The following TRPC5 variants were observed in gnomAD, a reference collection of about 807,000 sequenced individuals.
The protein encoded by TRPC5 is transient receptor potential cation channel subfamily C member 5.
In TRPC5, 9 loss-of-function variants were observed where a neutral mutation model predicts 56.5. The observed-to-expected ratio is 0.16, with a 90% CI of 0.10 to 0.28. The LOEUF (loss-of-function observed/expected upper bound fraction) is 0.28, where lower values mean the gene tolerates loss of function less well. TRPC5 is among the 10% of genes least tolerant of loss of function. The pLI is 1.00. For missense variants in TRPC5, 469 were observed against 748.9 expected (o/e 0.63, Z 4.36); for synonymous variants, 282 against 278.5 (o/e 1.01, Z -0.13).
chrX:111,997,851 A>AAGGTCT (rs753212675), intron 1 of TRPC5, among the ~76,000 whole-genome samples: 67 of 110,651 alleles, frequency 6.1e-4, no homozygotes, highest in African/African-American at 2.1e-3. Flanking sequence ...CAGGTCATTT[A>AAGGTCT]AGGTCTTCTC....
intron 1 of TRPC5, among the ~76,000 whole-genome samples, chrX:111,991,452 C>T (rs981208525): frequency 3.6e-5 from 4 of 112,048 alleles, no homozygotes; most frequent in African/African-American, 1.3e-4. Context: ...GAGATTTAGA[C>T]GAATGGGGGA....
intron 1 of TRPC5, among the ~76,000 whole-genome samples, chrX:111,981,591 C>A (rs1232726441): frequency 2.7e-5 from 3 of 111,549 alleles, no homozygotes; most frequent in Admixed American, 1.9e-4. Flanking sequence ...TTAAACCACA[C>A]TTCATCCCCA....
chrX:112,063,529 A>G (rs1369970343), intron 1 of TRPC5, among the ~76,000 whole-genome samples: 1 of 111,889 alleles, frequency 8.9e-6, no homozygotes, highest in Non-Finnish European at 1.9e-5. Flanking sequence ...TTATACAACC[A>G]TAGACAACTA....
At chrX:112,040,123 C>A (rs1275517868) in intron 1 of TRPC5, among the ~76,000 whole-genome samples, 1 of 111,882 alleles carries the variant, frequency 8.9e-6, no homozygotes, top group Non-Finnish European at 1.9e-5. Context: ...ATTTAAGTAG[C>A]CTTTCAGTTA....
intron 1 of TRPC5, among the ~76,000 whole-genome samples, chrX:112,018,496 A>T (rs1458381512): frequency 8.9e-6 from 1 of 112,245 alleles, no homozygotes; most frequent in Non-Finnish European, 1.9e-5. Context: ...ATTTACAAAT[A>T]TATTATCTGT....
intron 1 of TRPC5, among the ~76,000 whole-genome samples, chrX:112,016,399 G>C (rs1929125934): frequency 9.1e-6 from 1 of 110,063 alleles, no homozygotes. Flanking sequence ...ATCTCAAGGA[G>C]AGACTGGCCC....
At chrX:111,860,616 A>G (rs777353919) in intron 3 of TRPC5, among the ~76,000 whole-genome samples, 6 of 112,372 alleles carry the variant, frequency 5.3e-5, no homozygotes, top group Admixed American at 1.9e-4. Context: ...GGATACAGTT[A>G]GAAACACAAT....
At chrX:111,904,001 T>C (rs770956160) in intron 3 of TRPC5, 2 of 112,296 alleles carry the variant, frequency 1.8e-5, no homozygotes, top group Non-Finnish European at 3.8e-5. Context: ...CGTGTGGTCA[T>C]CTTAAATTAC....
At chrX:111,846,484 T>C (rs1407970977) in intron 6 of TRPC5, among the ~76,000 whole-genome samples, 1 of 112,214 alleles carries the variant, frequency 8.9e-6, no homozygotes, top group African/African-American at 3.2e-5. Flanking sequence ...GAGTTCCATG[T>C]GTTCAGAGGC....
chrX:111,996,870 C>T (rs182517760), intron 1 of TRPC5, among the ~76,000 whole-genome samples: 215 of 111,175 alleles, frequency 1.9e-3, no homozygotes, highest in Non-Finnish European at 3.2e-3. Context: ...CTTCCTCCAT[C>T]CCTTTATTTT....
At chrX:111,830,320 C>T (rs766214040) in intron 7 of TRPC5, among the ~76,000 whole-genome samples, 11 of 111,907 alleles carry the variant, frequency 9.8e-5, no homozygotes, top group Non-Finnish European at 1.7e-4. Context: ...AAGGGACTTG[C>T]CTTGTCTCAG....
At chrX:112,064,286 T>C (rs145813828) in intron 1 of TRPC5, among the ~76,000 whole-genome samples, 3,975 of 111,808 alleles carry the variant, frequency 0.036, 165 homozygotes, top group African/African-American at 0.12. Context: ...TCTCAAGCCA[T>C]GGAGAGGATA....
intron 3 of TRPC5, among the ~76,000 whole-genome samples, chrX:111,895,114 G>T (rs780164095): frequency 4.5e-5 from 5 of 112,064 alleles, no homozygotes; most frequent in African/African-American, 1.6e-4. Flanking sequence ...CTGCCAAATA[G>T]TTTTCCAAGG....
intron 7 of TRPC5, among the ~76,000 whole-genome samples, chrX:111,791,231 G>A (rs1174326853): frequency 9.1e-6 from 1 of 109,428 alleles, no homozygotes; most frequent in Non-Finnish European, 1.9e-5. Flanking sequence ...CATTGAAGAG[G>A]TATTTAATAA....
chrX:111,856,101 G>A (rs1603058915), intron 3 of TRPC5, among the ~76,000 whole-genome samples: 1 of 111,564 alleles, frequency 9.0e-6, no homozygotes, highest in East Asian at 2.8e-4. Context: ...GCATAGAGGT[G>A]AAAAAGAGCC....
intron 6 of TRPC5, among the ~76,000 whole-genome samples, chrX:111,844,560 G>A (rs1309724496): frequency 1.9e-5 from 2 of 106,351 alleles, no homozygotes; most frequent in African/African-American, 6.9e-5. Flanking sequence ...CTGCCTCCTG[G>A]GTTCAAGCGA....
At chrX:111,831,084 A>G (rs759253621) in intron 7 of TRPC5, among the ~76,000 whole-genome samples, 14 of 112,323 alleles carry the variant, frequency 1.2e-4, no homozygotes, top group African/African-American at 4.2e-4. Context: ...TAAAAAACCA[A>G]TCAATCCAAA....
chrX:111,825,565 G>A (rs1193964778), intron 7 of TRPC5, among the ~76,000 whole-genome samples: 2 of 110,976 alleles, frequency 1.8e-5, no homozygotes, highest in Non-Finnish European at 3.8e-5. Flanking sequence ...GCCCACTCTA[G>A]GACTTTCAAA....
intron 3 of TRPC5, among the ~76,000 whole-genome samples, chrX:111,881,258 C>T (rs1481410610): frequency 1.8e-5 from 2 of 109,989 alleles, no homozygotes; most frequent in Non-Finnish European, 3.8e-5. Context: ...CTCACTGTAA[C>T]CTCCACCTCC....
Sources: gnomAD v4.1 joint callset for allele counts (sites outside exome capture counted in the v4.1 genomes callset) on GRCh38, gnomAD v4.1.1 for gene constraint, MANE v1.5 for transcripts, NCBI Gene and HGNC (gene_info 2026-07-23, HGNC 2026-07-21) for gene names.